Variants in TMEM132D observed in about 807,000 individuals in gnomAD.
TMEM132D encodes the protein transmembrane protein 132D.
TMEM132D carries 21 observed loss-of-function variants against 62.3 expected under a neutral mutation model. That is an observed-to-expected ratio of 0.34 (90% CI 0.24 to 0.49). TMEM132D has a LOEUF of 0.49. Ranked by LOEUF, TMEM132D falls within the 20% of genes least tolerant of loss-of-function variation. The pLI is 0.99. For missense variants in TMEM132D, 1,346 were observed against 1,402.8 expected (o/e 0.96, Z 0.65); for synonymous variants, 621 against 575.6 (o/e 1.08, Z -1.13).
At chr12:129,241,284 A>C (rs1020721109) in intron 4 of TMEM132D, among the ~76,000 whole-genome samples, 6 of 152,168 alleles carry the variant, frequency 3.9e-5, no homozygotes, top group Non-Finnish European at 7.4e-5. Context: ...ATTAATTACA[A>C]AAATTTATAA....
At chr12:129,087,237 C>T (rs1321429843) in intron 5 of TMEM132D, among the ~76,000 whole-genome samples, 1 of 151,980 alleles carries the variant, frequency 6.6e-6, no homozygotes, top group Admixed American at 6.6e-5. Flanking sequence ...TGCCGTTTCG[C>T]GTCTGGTCTA....
chr12:129,108,267 A>G (rs1157793459), intron 5 of TMEM132D, among the ~76,000 whole-genome samples: 1 of 152,198 alleles, frequency 6.6e-6, no homozygotes, highest in Admixed American at 6.5e-5. Context: ...GAGCCATCAC[A>G]TCGTGGCCAC....
chr12:129,279,983 G>A (rs1433297362), intron 4 of TMEM132D, among the ~76,000 whole-genome samples: 1 of 152,166 alleles, frequency 6.6e-6, no homozygotes, highest in African/African-American at 2.4e-5. Context: ...ATGATGTTCT[G>A]CTTATAAGGA....
intron 4 of TMEM132D, among the ~76,000 whole-genome samples, chr12:129,242,651 C>A (rs918359848): frequency 2.6e-5 from 4 of 151,966 alleles, no homozygotes; most frequent in African/African-American, 9.7e-5. Flanking sequence ...TTTCTATTTA[C>A]CCAGGCTTTT....
intron 4 of TMEM132D, among the ~76,000 whole-genome samples, chr12:129,312,235 A>G (rs1184268765): frequency 1.3e-5 from 2 of 152,220 alleles, no homozygotes; most frequent in African/African-American, 4.8e-5. Flanking sequence ...GCTTTGGGGA[A>G]TAAGACAAAT....
intron 1 of TMEM132D, among the ~76,000 whole-genome samples, chr12:129,895,946 T>C (rs542109069): frequency 6.2e-5 from 9 of 144,844 alleles, no homozygotes; most frequent in African/African-American, 2.0e-4. Flanking sequence ...AGTCAGGAAT[T>C]TGATTTCTCT....
chr12:129,516,474 C>T (rs918189573), intron 3 of TMEM132D, among the ~76,000 whole-genome samples: 1 of 152,188 alleles, frequency 6.6e-6, no homozygotes, highest in Non-Finnish European at 1.5e-5. Context: ...AAAGGCACAT[C>T]TTACATGGTG....
At chr12:129,652,536 G>C (rs538244432) in intron 2 of TMEM132D, among the ~76,000 whole-genome samples, 1 of 152,304 alleles carries the variant, frequency 6.6e-6, no homozygotes, top group East Asian at 1.9e-4. Context: ...GTGGAAGAAG[G>C]CAGGAAGCTG....
At chr12:129,800,583 C>A (rs1306687266) in intron 1 of TMEM132D, among the ~76,000 whole-genome samples, 1 of 152,066 alleles carries the variant, frequency 6.6e-6, no homozygotes, top group Non-Finnish European at 1.5e-5. Context: ...TAGGTGGGTA[C>A]CCCTTGTAGA....
chr12:129,172,644 T>C (rs1416234621), intron 5 of TMEM132D, among the ~76,000 whole-genome samples: 1 of 152,166 alleles, frequency 6.6e-6, no homozygotes, highest in Non-Finnish European at 1.5e-5. Context: ...AATGGTGAGA[T>C]CTTGGCTCAC....
intron 1 of TMEM132D, among the ~76,000 whole-genome samples, chr12:129,836,191 C>A (rs1872996083): frequency 6.6e-6 from 1 of 152,058 alleles, no homozygotes; most frequent in Non-Finnish European, 1.5e-5. Context: ...TGTGATGGAG[C>A]CTCTCAAAGG....
chr12:129,785,212 G>A (rs1445720841), intron 1 of TMEM132D, among the ~76,000 whole-genome samples: 2 of 152,060 alleles, frequency 1.3e-5, no homozygotes, highest in Non-Finnish European at 2.9e-5. Flanking sequence ...AGCAGACAGC[G>A]CCCTGGCCTT....
intron 1 of TMEM132D, among the ~76,000 whole-genome samples, chr12:129,798,514 G>A (rs987232922): frequency 6.6e-6 from 1 of 151,878 alleles, no homozygotes; most frequent in East Asian, 1.9e-4. Flanking sequence ...CTAAATTAAA[G>A]CAAAAAAAAT....
rs1370302809 is a variant in TMEM132D at position 129,699,894 on chromosome 12, A to G, written c.884T>C (p.Ile295Thr). ...GTCTCCTTTCCTCACGGTCTTTGGT[A>G]TATAGTGGATGGCCACGCTGTTGTC... ...RLDNSVAIHY[I>T]PKTVRKGDVL... The change falls in exon 2 of 9, where the codon ATA (isoleucine) becomes ACA (threonine). Residue 295 changes from isoleucine (I) to threonine (T), a missense_variant. Transcript: ENST00000422113. The G allele has an allele frequency of 1.2e-6, 2 of 1,614,060 alleles. No homozygotes were observed. Among genetic ancestry groups the G allele is most frequent in the South Asian group, 1.1e-5 (1 of 91,084 alleles).
chr12:129,466,279 CTTTTTTTTTTTTTTTTTTTTTTTTTTT>C lies in TMEM132D; in HGVS notation c.1115+64753_1115+64779del, dbSNP rs551019541. Among the ~76,000 whole-genome samples the C allele has an allele frequency of 4.0e-5, 4 of 100,388 alleles. No individual in the cohort carries two copies. In the East Asian group the frequency reaches 1.3e-3, roughly 34 times the overall value. 65.9% of individuals were successfully genotyped at this position (100,388 alleles called of 152,430 possible). ...TATAACAGTGGCTGGTAGATTTTTC[CTTTTTTTTTTTTTTTTTTTTTTTTTTT>C]TTTTTTTTTTTTTTTTTTAGAGATG... On this transcript the variant is annotated intron_variant, in intron 3 of 8. Coordinates refer to ENST00000422113, the MANE Select transcript of TMEM132D (RefSeq NM_133448.3).
intron 2 of TMEM132D, among the ~76,000 whole-genome samples, chr12:129,611,674 TG>T (rs1442001723): frequency 6.6e-6 from 1 of 152,162 alleles, no homozygotes; most frequent in African/African-American, 2.4e-5. Context: ...CACTCCATCA[TG>T]GGAGGACAGG....
intron 1 of TMEM132D, among the ~76,000 whole-genome samples, chr12:129,880,987 T>C (rs180995798): frequency 1.4e-3 from 213 of 152,136 alleles, no homozygotes; most frequent in Non-Finnish European, 2.5e-3. Flanking sequence ...GAACACATTA[T>C]GAACACAAAG....
intron 4 of TMEM132D, among the ~76,000 whole-genome samples, chr12:129,220,625 A>C (rs1879322319): frequency 6.6e-6 from 1 of 152,150 alleles, no homozygotes; most frequent in African/African-American, 2.4e-5. Flanking sequence ...TGTTCTGCTA[A>C]GTCTATTCAT....
At chr12:129,730,143 A>G (rs1593138752) in intron 1 of TMEM132D, among the ~76,000 whole-genome samples, 2 of 152,328 alleles carry the variant, frequency 1.3e-5, no homozygotes, top group Admixed American at 1.3e-4. Context: ...GACGTGAGTA[A>G]CAATTAAGAA....
Sources: allele counts gnomAD v4.1 joint callset (sites outside exome capture counted in the v4.1 genomes callset), GRCh38; gene constraint gnomAD v4.1.1; transcripts MANE v1.5; gene names NCBI Gene and HGNC (gene_info 2026-07-23, HGNC 2026-07-21).